PALM2AKAP2: variants seen among roughly 807,000 people sequenced by gnomAD.
PALM2AKAP2 encodes the protein PALM2 and AKAP2 fusion, also known as PALM2-AKAP2 fusion protein.
Under a neutral mutation model 71.5 loss-of-function variants are expected in PALM2AKAP2, and 37 were observed. That is an observed-to-expected ratio of 0.52 (90% CI 0.40 to 0.68). PALM2AKAP2 has a LOEUF of 0.68. Among genes scored for constraint, PALM2AKAP2 ranks in the 30% least tolerant of loss-of-function variants. PALM2AKAP2 has a pLI of 0.00. For missense variants in PALM2AKAP2, 1,224 were observed against 1,191.8 expected (o/e 1.03, Z -0.40); for synonymous variants, 468 against 478.8 (o/e 0.98, Z 0.29).
chr9:109,736,314 A>G, intron 1 of PALM2AKAP2, among the ~76,000 whole-genome samples: 1 of 152,220 alleles, frequency 6.6e-6, no homozygotes, highest in East Asian at 1.9e-4. Flanking sequence ...TGAACATGAG[A>G]GAAATTGATC....
In PALM2AKAP2 at chr9:110,001,955, T is replaced by C. The variant is rs1325489878; in HGVS notation, c.497-13999T>C. Among the ~76,000 whole-genome samples the C allele has an allele frequency of 2.6e-5, 4 of 152,362 alleles. No homozygotes were observed. In the East Asian group the frequency reaches 5.8e-4, roughly 22 times the overall value. ...TTTCTAGATATACAATCATGTCATC[T>C]GCAAACAGGGACAATTTGACTTCCT... On this transcript the variant is annotated intron_variant, in intron 6 of 9. Transcript: ENST00000302798.
At chr9:109,918,844 G>T (rs1219164114) in intron 3 of PALM2AKAP2, among the ~76,000 whole-genome samples, 1 of 152,200 alleles carries the variant, frequency 6.6e-6, no homozygotes, top group Non-Finnish European at 1.5e-5. Flanking sequence ...CATTGCATTT[G>T]GGTTGAAACT....
intron 6 of PALM2AKAP2, among the ~76,000 whole-genome samples, chr9:109,981,867 A>G (rs1051502920): frequency 6.6e-6 from 1 of 152,196 alleles, no homozygotes; most frequent in African/African-American, 2.4e-5. Context: ...AATTAGTACA[A>G]CCACTATGGA....
At chr9:110,142,798 G>A (rs1836066553) in intron 2 of PALM2AKAP2, among the ~76,000 whole-genome samples, 1 of 152,214 alleles carries the variant, frequency 6.6e-6, no homozygotes, top group African/African-American at 2.4e-5. Context: ...TAGATTTGGA[G>A]CCAGACAACC....
intron 7 of PALM2AKAP2, among the ~76,000 whole-genome samples, chr9:110,023,337 G>A (rs1833110621): frequency 3.0e-5 from 2 of 66,474 alleles, no homozygotes; most frequent in African/African-American, 1.4e-4. Flanking sequence ...TTTTTGAGAT[G>A]GAGTTTCGCT....
At position 110,075,616 on chromosome 9, in the gene PALM2AKAP2, A is replaced by G. The variant is rs911870048; in HGVS notation, c.156+26761A>G. Among the ~76,000 whole-genome samples, 14 of 151,654 alleles carry G rather than the reference A, an allele frequency of 9.2e-5. No individual in the cohort carries two copies. The East Asian group carries it at 2.7e-3, about 29-fold the overall frequency. ...CTTTCTTTCTTTTTTTTTAACCTCTATAGTCGCTCCTGTAAAAGCTGCCCC... is the reference window on the plus strand; with the variant it reads ...CTTTCTTTCTTTTTTTTTAACCTCTGTAGTCGCTCCTGTAAAAGCTGCCCC... On this transcript the variant is annotated intron_variant, in intron 1 of 3. Transcript: ENST00000374525.
chr9:109,869,621 T>A (rs1829550418), intron 2 of PALM2AKAP2, among the ~76,000 whole-genome samples: 1 of 139,500 alleles, frequency 7.2e-6, no homozygotes, highest in Middle Eastern at 3.8e-3. Context: ...TGCATATTCA[T>A]TTTTCGTCTA....
At chr9:109,832,263 C>T (rs930977862) in intron 1 of PALM2AKAP2, among the ~76,000 whole-genome samples, 17 of 152,242 alleles carry the variant, frequency 1.1e-4, no homozygotes, top group African/African-American at 4.8e-5. Context: ...ACGTTCAAGT[C>T]CTCTCTGAGT....
At chr9:109,988,123 A>G (rs570241399) in intron 6 of PALM2AKAP2, among the ~76,000 whole-genome samples, 5 of 152,254 alleles carry the variant, frequency 3.3e-5, no homozygotes, top group Non-Finnish European at 5.9e-5. Context: ...ACTGCTTTAT[A>G]GTACCAATCT....
At chr9:109,947,360 T>C (rs745746637) in intron 6 of PALM2AKAP2, among the ~76,000 whole-genome samples, 2 of 152,246 alleles carry the variant, frequency 1.3e-5, no homozygotes, top group Non-Finnish European at 2.9e-5. Flanking sequence ...TTCCTAGAGA[T>C]ACAATATCAT....
intron 6 of PALM2AKAP2, among the ~76,000 whole-genome samples, chr9:109,970,678 G>T (rs1297635988): frequency 6.6e-6 from 1 of 152,208 alleles, no homozygotes; most frequent in Non-Finnish European, 1.5e-5. Context: ...TGAGTTAATA[G>T]CTCACAGCCT....
In PALM2AKAP2 at chr9:110,137,221, A is replaced by G. The variant is rs781446569; in HGVS notation, c.1251A>G (p.Lys417=). The change falls in exon 2 of 4, where the codon AAA becomes AAG. Residue 417 remains lysine, a synonymous_variant. Coordinates refer to ENST00000374525, the Ensembl canonical transcript of PALM2AKAP2. Reference sequence around the variant, plus strand: ...AGATAGATTTCTCTGCTGCTCGCAAACAATTTCAGCTGATGGAGAATTCCA... The same window carrying G: ...AGATAGATTTCTCTGCTGCTCGCAAGCAATTTCAGCTGATGGAGAATTCCA... 69 of 1,614,098 alleles carry G rather than the reference A, an allele frequency of 4.3e-5. 1 individual carries two copies. The South Asian group carries it at 7.2e-4, about 17-fold the overall frequency.
chr9:110,075,251 T>C (rs1368050522), intron 1 of PALM2AKAP2, among the ~76,000 whole-genome samples: 1 of 152,202 alleles, frequency 6.6e-6, no homozygotes, highest in Non-Finnish European at 1.5e-5. Context: ...TGTTGTAAAA[T>C]TTACCAATTT....
chr9:109,923,614 A>G, intron 3 of PALM2AKAP2, 121 bp from the exon 4 acceptor site: 2 of 1,049,012 alleles, frequency 1.9e-6, no homozygotes, highest in Non-Finnish European at 2.7e-6. Context: ...CTGGCTCCTC[A>G]GCGTAATGTA....
intron 1 of PALM2AKAP2, among the ~76,000 whole-genome samples, chr9:109,858,071 T>C (rs1052845985): frequency 2.0e-5 from 3 of 152,254 alleles, no homozygotes; most frequent in Non-Finnish European, 2.9e-5. Flanking sequence ...TACCAGGTGA[T>C]GTGTTAGTTC....
chr9:110,000,394 T>C (rs1182438763), intron 6 of PALM2AKAP2, among the ~76,000 whole-genome samples: 5 of 152,254 alleles, frequency 3.3e-5, no homozygotes, highest in Non-Finnish European at 7.3e-5. Flanking sequence ...TGCCACATTT[T>C]CTTAATCCAG....
chr9:110,003,996 G>A (rs1414477788), intron 6 of PALM2AKAP2, among the ~76,000 whole-genome samples: 1 of 152,138 alleles, frequency 6.6e-6, no homozygotes, highest in African/African-American at 2.4e-5. Flanking sequence ...TTGCCAGTCT[G>A]TGTCTTTTAA....
chr9:109,987,611 A>G (rs188799199), intron 6 of PALM2AKAP2, among the ~76,000 whole-genome samples: 1 of 152,334 alleles, frequency 6.6e-6, no homozygotes, highest in East Asian at 1.9e-4. Context: ...ACAGAAAATT[A>G]TATCTCAGTT....
At chr9:109,844,279 G>A (rs1325029081) in intron 1 of PALM2AKAP2, among the ~76,000 whole-genome samples, 2 of 152,188 alleles carry the variant, frequency 1.3e-5, no homozygotes, top group Non-Finnish European at 2.9e-5. Flanking sequence ...TAAACTAACA[G>A]TGAAAGTGAG....
Sources: allele counts gnomAD v4.1 joint callset (sites outside exome capture counted in the v4.1 genomes callset), GRCh38; gene constraint gnomAD v4.1.1; transcripts MANE v1.5; gene names NCBI Gene and HGNC (gene_info 2026-07-23, HGNC 2026-07-21).